Variants in RNF228 observed in about 807,000 individuals in gnomAD.
RNF228 encodes ring finger protein 228.
At chr2:222,314,981 A>T in the RNF228 span, among the ~76,000 whole-genome samples, 1 of 152,320 alleles carries the variant, frequency 6.6e-6, no homozygotes, top group Non-Finnish European at 1.5e-5. Context: ...AATGTCCTTT[A>T]GTCTCTCTAG....
the RNF228 span, among the ~76,000 whole-genome samples, chr2:222,315,555 A>G: frequency 6.6e-6 from 1 of 152,168 alleles, no homozygotes; most frequent in East Asian, 1.9e-4. Flanking sequence ...AAGAATTTTC[A>G]TGAATTTACC....
At chr2:222,314,238 C>T in the RNF228 span, among the ~76,000 whole-genome samples, 48 of 152,306 alleles carry the variant, frequency 3.2e-4, no homozygotes, top group Middle Eastern at 0.01. Context: ...ATATTTCAGT[C>T]CGCTTAAGAG....
chr2:222,314,345 G>A, the RNF228 span, among the ~76,000 whole-genome samples: 1 of 152,348 alleles, frequency 6.6e-6, no homozygotes, highest in East Asian at 1.9e-4. Context: ...ATCTCTAGCA[G>A]AGGATAAATT....
chr2:222,315,518 A>G, the RNF228 span, among the ~76,000 whole-genome samples: 1 of 152,146 alleles, frequency 6.6e-6, no homozygotes, highest in African/African-American at 2.4e-5. Context: ...AAATAAAAGC[A>G]AGGTCCATAT....
the RNF228 span, among the ~76,000 whole-genome samples, chr2:222,315,393 C>T: frequency 1.3e-5 from 2 of 152,166 alleles, no homozygotes; most frequent in Non-Finnish European, 2.9e-5. Flanking sequence ...CAGTATAACA[C>T]ATATTATACA....
the RNF228 span, among the ~76,000 whole-genome samples, chr2:222,314,392 A>T: frequency 3.9e-5 from 6 of 152,258 alleles, no homozygotes; most frequent in Admixed American, 3.9e-4. Context: ...ATAACTTCAA[A>T]CTAAGATCTG....
At chr2:222,314,672 G>A in the RNF228 span, among the ~76,000 whole-genome samples, 1 of 152,140 alleles carries the variant, frequency 6.6e-6, no homozygotes, top group Non-Finnish European at 1.5e-5. Flanking sequence ...ATAACTGGGG[G>A]ATTACTTAGT....
chr2:222,319,543 C>T, the RNF228 span, among the ~76,000 whole-genome samples: 1 of 144,090 alleles, frequency 6.9e-6, no homozygotes, highest in African/African-American at 2.5e-5. This position sits in a 1 kb window ranked among gnomAD's most constrained non-coding sequence, Gnocchi z 7.6. Flanking sequence ...GGGGCAGCAG[C>T]GGGCGCGGGC....
At chr2:222,315,424 G>T in the RNF228 span, among the ~76,000 whole-genome samples, 1 of 152,174 alleles carries the variant, frequency 6.6e-6, no homozygotes, top group South Asian at 2.1e-4. Flanking sequence ...CATTAAGAAA[G>T]TAAAACTGGG....
At chr2:222,316,901 G>A in the RNF228 span, among the ~76,000 whole-genome samples, 40 of 152,290 alleles carry the variant, frequency 2.6e-4, no homozygotes, top group African/African-American at 8.9e-4. Context: ...TCTGAAAAGT[G>A]ACTTTTAGTA....
the RNF228 span, chr2:222,318,286 AG>A: frequency 6.6e-6 from 1 of 152,244 alleles, no homozygotes; most frequent in Non-Finnish European, 1.5e-5. Context: ...CATGGGCAAC[AG>A]GGCCCACCGC....
chr2:222,319,275 G>T, the RNF228 span: 37 of 339,476 alleles, frequency 1.1e-4, no homozygotes, highest in Admixed American at 1.5e-3. This position sits in a 1 kb window ranked among gnomAD's most constrained non-coding sequence, Gnocchi z 7.6. Flanking sequence ...GCCTCCGGGG[G>T]TTCCCCCGCC....
At chr2:222,316,201 T>C in the RNF228 span, among the ~76,000 whole-genome samples, 2 of 152,306 alleles carry the variant, frequency 1.3e-5, no homozygotes, top group South Asian at 2.1e-4. Context: ...ATCTGCTGAA[T>C]GGAGAGAGGG....
At chr2:222,319,667 G>T in the RNF228 span, among the ~76,000 whole-genome samples, 1 of 146,358 alleles carries the variant, frequency 6.8e-6, no homozygotes, top group Non-Finnish European at 1.5e-5. This position sits in a 1 kb window ranked among gnomAD's most constrained non-coding sequence, Gnocchi z 7.6. Context: ...CGTGCACGCG[G>T]CTGTCGGGCA....
chr2:222,319,256 G>A, the RNF228 span: 1 of 334,306 alleles, frequency 3.0e-6, no homozygotes, highest in Non-Finnish European at 5.4e-6. This position sits in a 1 kb window ranked among gnomAD's most constrained non-coding sequence, Gnocchi z 7.6. Flanking sequence ...CCTCGCCAGG[G>A]GGCGCCCCGC....
At chr2:222,319,381 C>A in the RNF228 span, 1 of 321,168 alleles carries the variant, frequency 3.1e-6, no homozygotes, top group Non-Finnish European at 5.7e-6. This position sits in a 1 kb window ranked among gnomAD's most constrained non-coding sequence, Gnocchi z 7.6. Flanking sequence ...GTGAGCGCCG[C>A]GCGCTTGCAG....
chr2:222,314,753 G>A, the RNF228 span, among the ~76,000 whole-genome samples: 12 of 152,198 alleles, frequency 7.9e-5, no homozygotes, highest in African/African-American at 1.7e-4. Flanking sequence ...TATGAATAAC[G>A]ATTTATTAAA....
the RNF228 span, chr2:222,317,357 A>C: frequency 1.3e-5 from 2 of 152,150 alleles, no homozygotes; most frequent in African/African-American, 4.8e-5. Context: ...AAATTACTTC[A>C]CTCCTATGAT....
At chr2:222,319,769 AGCGGCG>A in the RNF228 span, among the ~76,000 whole-genome samples, 2 of 140,400 alleles carry the variant, frequency 1.4e-5, no homozygotes, top group East Asian at 2.1e-4. This position sits in a 1 kb window ranked among gnomAD's most constrained non-coding sequence, Gnocchi z 7.6. Context: ...GCGCGGCGGC[AGCGGCG>A]GCGGCGGCGG....
Sources: gnomAD v4.1 joint callset for allele counts (sites outside exome capture counted in the v4.1 genomes callset) on GRCh38, gnomAD v4.1.1 for gene constraint, Gnocchi (gnomAD v3.1) non-coding constraint, MANE v1.5 for transcripts, NCBI Gene and HGNC (gene_info 2026-07-23, HGNC 2026-07-21) for gene names.